Variants in XKR9 observed in about 807,000 individuals in gnomAD.
XKR9 encodes the protein XK-related protein 9.
XKR9 carries 32 observed loss-of-function variants against 32.0 expected under a neutral mutation model. That is an observed-to-expected ratio of 1.00 (90% CI 0.76 to 1.34). The LOEUF is 1.34. Among genes scored for constraint, XKR9 ranks in the 40% most tolerant of loss-of-function variants. The pLI is 0.00. For synonymous variants in XKR9, 168 were observed against 143.4 expected (o/e 1.17, Z -1.22); for missense variants, 546 against 429.7 (o/e 1.27, Z -2.39).
chr8:70,741,873 G>A (rs1271055390), intron 2 of XKR9, among the ~76,000 whole-genome samples: 1 of 151,830 alleles, frequency 6.6e-6, no homozygotes, highest in Non-Finnish European at 1.5e-5. Context: ...CCTTTATACT[G>A]TTTCCATAAT....
chr8:70,888,378 C>A, the XKR9 span, among the ~76,000 whole-genome samples: 2 of 151,664 alleles, frequency 1.3e-5, no homozygotes, highest in Non-Finnish European at 2.9e-5. Context: ...ATATAGTTTG[C>A]AAATGTTTTC....
Position 70,734,054 on chromosome 8 carries a change from C to T in XKR9, c.752C>T (p.Thr251Ile). 1.2e-6 allele frequency: 2 copies of T among 1,613,080 alleles called. No individual in the cohort carries two copies. Among genetic ancestry groups the T allele is most frequent in the South Asian group, 1.1e-5 (1 of 90,950 alleles). The change falls in exon 5 of 5, where the codon ACC becomes ATC. Residue 251 changes from threonine to isoleucine, a missense_variant. Transcript: ENST00000408926. ...ATAATATGGGCATTTAAAAACAACA[C>T]CCAGTTTTGTACTTGTATAAGTATG... Reference protein sequence around the residue: ...LGIIWAFKNNTQFCTCISMEF... With the variant: ...LGIIWAFKNNIQFCTCISMEF...
chr8:70,754,515 T>C (rs921638323), intron 2 of XKR9, among the ~76,000 whole-genome samples: 24 of 143,294 alleles, frequency 1.7e-4, no homozygotes, highest in African/African-American at 2.9e-4. Flanking sequence ...CTTCAAACTA[T>C]ACTATAAGGC....
At chr8:70,925,490 C>G in the XKR9 span, among the ~76,000 whole-genome samples, 2 of 152,160 alleles carry the variant, frequency 1.3e-5, no homozygotes, top group African/African-American at 4.8e-5. Context: ...TGTGGAAGCT[C>G]TTGGTTTTGT....
At chr8:70,903,000 A>G in the XKR9 span, among the ~76,000 whole-genome samples, 1 of 152,134 alleles carries the variant, frequency 6.6e-6, no homozygotes, top group Non-Finnish European at 1.5e-5. Context: ...CAACTTGATC[A>G]TGTTTGATAG....
chr8:71,011,800 AT>A, the XKR9 span, among the ~76,000 whole-genome samples: 8 of 152,214 alleles, frequency 5.3e-5, no homozygotes, highest in African/African-American at 1.9e-4. Context: ...TTTGCCAAAA[AT>A]TTGATGAAAA....
At chr8:70,991,808 G>A in the XKR9 span, among the ~76,000 whole-genome samples, 2 of 152,152 alleles carry the variant, frequency 1.3e-5, no homozygotes, top group Admixed American at 6.5e-5. Context: ...ATACTATGAG[G>A]TTTTGATATG....
At chr8:70,759,966 C>T (rs1390493582) in intron 2 of XKR9, among the ~76,000 whole-genome samples, 2 of 152,086 alleles carry the variant, frequency 1.3e-5, no homozygotes, top group East Asian at 1.9e-4. Context: ...TATTTTAACC[C>T]TTTGAAGGAT....
chr8:70,778,370 T>C (rs184904275), intron 2 of XKR9, among the ~76,000 whole-genome samples: 5 of 152,338 alleles, frequency 3.3e-5, no homozygotes, highest in Admixed American at 2.6e-4. Context: ...TAGTTTGAAG[T>C]CAGGTAGCCT....
chr8:70,971,148 A>G, the XKR9 span, among the ~76,000 whole-genome samples: 9 of 152,022 alleles, frequency 5.9e-5, no homozygotes, highest in Admixed American at 1.3e-4. Context: ...TTTTTTTATT[A>G]TAGCCTTTTT....
chr8:70,779,439 G>C lies in XKR9; in HGVS notation n.353-9900G>C, dbSNP rs922759727. 2.0e-5 allele frequency among the ~76,000 whole-genome samples: 3 copies of C among 152,092 alleles called. No homozygotes were observed. In the East Asian group the frequency reaches 5.8e-4, roughly 29 times the overall value. On this transcript the variant is annotated intron_variant and non_coding_transcript_variant, in intron 2 of 3. Transcript: ENST00000520273. Reference sequence around the variant, plus strand: ...TTTTTTGTTGTTGTGTCTCTGCCAGGCTTTGGTATCAAGATGATGCTGGCC... The same window carrying C: ...TTTTTTGTTGTTGTGTCTCTGCCAGCCTTTGGTATCAAGATGATGCTGGCC...
At chr8:70,867,301 G>T in the XKR9 span, among the ~76,000 whole-genome samples, 2 of 152,228 alleles carry the variant, frequency 1.3e-5, no homozygotes, top group East Asian at 3.9e-4. Context: ...CCTCCCACCA[G>T]GTCCCTCCCA....
chr8:70,904,352 T>A, the XKR9 span, among the ~76,000 whole-genome samples: 1 of 152,334 alleles, frequency 6.6e-6, no homozygotes, highest in Non-Finnish European at 1.5e-5. Context: ...GTTGAATTGA[T>A]CCCTTTACCA....
the XKR9 span, among the ~76,000 whole-genome samples, chr8:71,016,304 G>A: frequency 6.6e-6 from 1 of 152,208 alleles, no homozygotes; most frequent in East Asian, 1.9e-4. Flanking sequence ...TGCAAGCAAT[G>A]GCAAGCAGTG....
the XKR9 span, among the ~76,000 whole-genome samples, chr8:70,831,180 A>C: frequency 6.6e-6 from 1 of 151,264 alleles, no homozygotes; most frequent in Non-Finnish European, 1.5e-5. Flanking sequence ...AATCCCAGCT[A>C]CTCAGGAGGC....
intron 4 of XKR9, among the ~76,000 whole-genome samples, chr8:70,714,804 T>C (rs1806036424): frequency 6.6e-6 from 1 of 152,170 alleles, no homozygotes; most frequent in Non-Finnish European, 1.5e-5. Context: ...CTGATGTCAG[T>C]ACTTAATGCC....
intron 4 of XKR9, among the ~76,000 whole-genome samples, chr8:70,728,659 A>C (rs556093461): frequency 6.6e-6 from 1 of 152,210 alleles, no homozygotes; most frequent in East Asian, 1.9e-4. Context: ...CAGGTGTACT[A>C]TAGTATTTTC....
At chr8:70,880,587 G>A in the XKR9 span, among the ~76,000 whole-genome samples, 17 of 152,134 alleles carry the variant, frequency 1.1e-4, no homozygotes, top group Non-Finnish European at 2.2e-4. Flanking sequence ...ACCTCTTCAG[G>A]AGAACAACAA....
chr8:70,997,384 T>C, the XKR9 span, among the ~76,000 whole-genome samples: 1 of 152,182 alleles, frequency 6.6e-6, no homozygotes, highest in South Asian at 2.1e-4. Flanking sequence ...AAGGTTTTCA[T>C]GTCATGTTAA....
Sources: gnomAD v4.1 joint callset for allele counts (sites outside exome capture counted in the v4.1 genomes callset) on GRCh38, gnomAD v4.1.1 for gene constraint, MANE v1.5 for transcripts, NCBI Gene and HGNC (gene_info 2026-07-23, HGNC 2026-07-21) for gene names.